ZNF705G: variants seen among roughly 807,000 people sequenced by gnomAD.
The protein encoded by ZNF705G is putative zinc finger protein 705G.
A neutral mutation model predicts 19.6 loss-of-function variants in ZNF705G; 23 were observed. That is an observed-to-expected ratio of 1.17 (90% confidence interval 0.84 to 1.66). The LOEUF is 1.66. ZNF705G is among the 40% of genes most tolerant of loss of function. ZNF705G has a pLI of 0.00. For synonymous variants in ZNF705G, 146 were observed against 117.7 expected, an observed-to-expected ratio of 1.24 and a Z score of -1.56; for missense variants, 457 against 354.4, an observed-to-expected ratio of 1.29 and a Z score of -2.32.
chr8:7,370,435 G>T (rs1421932087), intron 2 of ZNF705G, among the ~76,000 whole-genome samples: 3 of 149,642 alleles, frequency 2.0e-5, no homozygotes, highest in Non-Finnish European at 2.9e-5. Flanking sequence ...TTATCAAAAA[G>T]ATGTATAACA....
rs540777082 is a variant in ZNF705G at position 7,363,769 on chromosome 8, C to T, written c.-71-752G>A. Among the ~76,000 whole-genome samples the T allele has an allele frequency of 1.0e-2, 1,481 of 148,578 alleles. 81 individuals carry two copies. The highest frequency in any genetic ancestry group is 0.019 in the African/African-American group (746 of 38,522). ...CCAGGAGGCAGAGATTACAGTGAGC[C>T]GAGATCCCACCACTGCACTCCAGCG... On this transcript the variant is annotated intron_variant, in intron 2 of 6. Coordinates refer to ENST00000400156, the MANE Select transcript of ZNF705G (RefSeq NM_001164457.3).
In ZNF705G at chr8:7,368,823, G is replaced by A. The variant is rs1167623897; in HGVS notation, c.-71-5806C>T. On this transcript the variant is annotated intron_variant, in intron 2 of 6. Coordinates refer to ENST00000400156, the MANE Select transcript of ZNF705G (RefSeq NM_001164457.3). ...TCCAGCTCCAGCCATGGCTAAAAGG[G>A]CCCCAGACATTGTTTGGGCCACCGC... is the stretch of plus-strand genomic sequence containing the variant. Among the ~76,000 whole-genome samples, 3 of 149,460 alleles carry A rather than the reference G, an allele frequency of 2.0e-5. 1 individual carries two copies. Among genetic ancestry groups the A allele is most frequent in the African/African-American group, 7.7e-5 (3 of 38,860 alleles).
At chr8:7,363,880 G>A (rs1490775547) in intron 2 of ZNF705G, among the ~76,000 whole-genome samples, 2 of 149,378 alleles carry the variant, frequency 1.3e-5, no homozygotes, top group South Asian at 2.1e-4. Context: ...TTCACTTAGA[G>A]GGTCAACACT....
Position 7,381,584 on chromosome 8 carries a change from T to C in ZNF705G, c.-204A>G, listed in dbSNP as rs1293021763. On this transcript the variant is annotated 5_prime_UTR_variant, in exon 2 of 7. Transcript: ENST00000400156. ...TGGCTCTTTCTTCAGTGTACATCAA[T>C]TGAGGAGGACAAGTGATCTGGGAAT... 7.1e-6 allele frequency: 1 copy of C among 140,786 alleles called. No individual in the cohort carries two copies. The highest frequency in any genetic ancestry group is 1.5e-5 in the Non-Finnish European group (1 of 66,444). The allele number at this position is 140,786 out of a possible 1,614,324, so 8.7% of individuals were successfully genotyped here. A position where few individuals can be genotyped will look rare whatever the true frequency, so the allele number is the denominator to read the frequency against.
rs1045987125 is a variant in ZNF705G, at chr8:7,355,674, C to A, written c.*2302G>T. ...TTAATAATGGCTGGAGATCTGCCAC[C>A]ATGCATTTGTCAAATCCCATAGAAT... On this transcript the variant is annotated 3_prime_UTR_variant, in exon 7 of 7. Transcript: ENST00000400156. The A allele has an allele frequency of 1.3e-5, 2 of 149,816 alleles. No homozygotes were observed. The highest frequency in any genetic ancestry group is 6.5e-5 in the Admixed American group (1 of 15,276). 9.3% of individuals were successfully genotyped at this position (149,816 alleles called of 1,614,324 possible).
Position 7,358,514 on chromosome 8 carries a change from C to G in ZNF705G, c.365G>C (p.Gly122Ala), listed in dbSNP as rs1806399588. Reference sequence around the variant, plus strand: ...TGTGGAACTGCGAGTGCAATCTTCTCCCGAATCATTACATTCAAAAGGATC... The same window carrying G: ...TGTGGAACTGCGAGTGCAATCTTCTGCCGAATCATTACATTCAAAAGGATC... ...LEDPFECNDS[G>A]EDCTRSSTIT... Residue 122 changes from glycine to alanine, a missense_variant, in exon 7 of 7, where the codon GGA becomes GCA. Physicochemically the swap from Gly to Ala is moderately conservative, Grantham distance 60. Coordinates refer to ENST00000400156, the MANE Select transcript of ZNF705G (RefSeq NM_001164457.3). 1 of 1,607,444 alleles carries G rather than the reference C, an allele frequency of 6.2e-7. No homozygotes were observed. The highest frequency in any genetic ancestry group is 1.1e-5 in the South Asian group (1 of 90,714).
chr8:7,383,881 C>T (rs1585433857), intron 1 of ZNF705G, among the ~76,000 whole-genome samples: 3 of 144,362 alleles, frequency 2.1e-5, no homozygotes, highest in Admixed American at 2.0e-4. Flanking sequence ...GTTTATATTA[C>T]TTTTTAATAG....
intron 2 of ZNF705G, among the ~76,000 whole-genome samples, chr8:7,370,185 G>T (rs1468721293): frequency 1.4e-5 from 2 of 147,812 alleles, no homozygotes; most frequent in Admixed American, 6.6e-5. Flanking sequence ...GCAGGAGAAT[G>T]ACGTGAACCT....
intron 2 of ZNF705G, among the ~76,000 whole-genome samples, chr8:7,367,121 A>G (rs1423729650): frequency 1.3e-5 from 2 of 149,606 alleles, no homozygotes; most frequent in Non-Finnish European, 2.9e-5. Flanking sequence ...ACAGAATATG[A>G]GAATGTGAAG....
chr8:7,380,397 C>A (rs1360731606), intron 2 of ZNF705G, among the ~76,000 whole-genome samples: 2 of 147,550 alleles, frequency 1.4e-5, no homozygotes, highest in Non-Finnish European at 2.9e-5. Flanking sequence ...GAGTATGAGC[C>A]CACCCAGCCT....
At chr8:7,363,909 C>T (rs1426892772) in intron 2 of ZNF705G, among the ~76,000 whole-genome samples, 3 of 149,432 alleles carry the variant, frequency 2.0e-5, no homozygotes, top group Non-Finnish European at 4.4e-5. Flanking sequence ...GCTAATATAG[C>T]CCTTAAAATC....
At chr8:7,366,048 C>T (rs1228544448) in intron 2 of ZNF705G, among the ~76,000 whole-genome samples, 4 of 149,458 alleles carry the variant, frequency 2.7e-5, no homozygotes, top group Non-Finnish European at 5.9e-5. Flanking sequence ...AGCTGACATT[C>T]TAGCAATGAA....
intron 2 of ZNF705G, among the ~76,000 whole-genome samples, chr8:7,369,522 C>G (rs1262724131): frequency 6.7e-6 from 1 of 149,502 alleles, no homozygotes; most frequent in African/African-American, 2.6e-5. Flanking sequence ...AACACTGGCC[C>G]TTGACAGCAG....
intron 2 of ZNF705G, among the ~76,000 whole-genome samples, chr8:7,365,879 A>T (rs191557954): frequency 2.6e-4 from 39 of 149,682 alleles, no homozygotes; most frequent in Admixed American, 4.6e-4. Flanking sequence ...ACAGATCTTC[A>T]GTAAAAATAA....
intron 1 of ZNF705G, among the ~76,000 whole-genome samples, chr8:7,384,872 GTA>G (rs1205954480): frequency 6.8e-6 from 1 of 146,308 alleles, no homozygotes; most frequent in Non-Finnish European, 1.5e-5. Flanking sequence ...CTTGAAAGTG[GTA>G]TCTTAGTTGA....
chr8:7,376,099 T>G (rs1488833127), intron 2 of ZNF705G, among the ~76,000 whole-genome samples: 1 of 89,756 alleles, frequency 1.1e-5, no homozygotes, highest in Non-Finnish European at 2.1e-5. Context: ...AGCTCAGGGA[T>G]CAAAAAACTC....
rs1806351849 is a variant in ZNF705G at position 7,357,954 on chromosome 8, C to A, written c.*22G>T. On this transcript the variant is annotated 3_prime_UTR_variant, in exon 7 of 7. Coordinates refer to ENST00000400156, the MANE Select transcript of ZNF705G (RefSeq NM_001164457.3). ...CATAAATGGCATTCATATGGCTTTT[C>A]TCCAGTGCGTGTTCTCTCATGTCAT... The A allele has an allele frequency of 1.2e-6, 2 of 1,608,360 alleles. No individual in the cohort carries two copies. The highest frequency in any genetic ancestry group is 2.8e-5 in the African/African-American group (2 of 71,044).
rs748551083 is a variant in ZNF705G, at chr8:7,358,311, G to T, written c.568C>A (p.His190Asn). The change falls in exon 7 of 7, where the codon CAC (histidine) becomes AAC (asparagine). Residue 190 changes from histidine to asparagine, a missense_variant. Physicochemically the swap from His to Asn is moderately conservative, Grantham distance 68 (BLOSUM62 1). Transcript: ENST00000400156. ...CTCTCTCCAGTGTGAGTCATCTTGT[G>T]CCGTCTAAGGTGAAAGCAATTAGTA... ...AYTNCFHLRRHKMTHTGERPY... is the reference protein window; with the variant it reads ...AYTNCFHLRRNKMTHTGERPY... 4.8e-5 allele frequency: 77 copies of T among 1,607,620 alleles called. No individual in the cohort carries two copies. The highest frequency in any genetic ancestry group is 2.2e-4 in the Middle Eastern group (1 of 4,448).
intron 2 of ZNF705G, among the ~76,000 whole-genome samples, chr8:7,366,764 A>C (rs1363182327): frequency 6.7e-6 from 1 of 149,664 alleles, no homozygotes; most frequent in Non-Finnish European, 1.5e-5. Context: ...ATAGAGAAGC[A>C]GAATATAATT....
Sources: gnomAD v4.1 joint callset for allele counts (sites outside exome capture counted in the v4.1 genomes callset) on GRCh38, gnomAD v4.1.1 for gene constraint, MANE v1.5 for transcripts, NCBI Gene and HGNC (gene_info 2026-07-23, HGNC 2026-07-21) for gene names.